The following VMP1 variants were observed in gnomAD, a reference collection of about 807,000 sequenced individuals.
VMP1 encodes the protein ectopic P-granules autophagy protein 3 homolog.
Under a neutral mutation model 56.0 loss-of-function variants are expected in VMP1, and 11 were observed. The ratio of observed to expected loss-of-function variants is 0.20; its 90% CI spans 0.12 to 0.32. The LOEUF (loss-of-function observed/expected upper bound fraction) is 0.32, where lower values mean the gene tolerates loss of function less well. Ranked by LOEUF, VMP1 falls within the 10% of genes least tolerant of loss-of-function variation. VMP1 has a pLI of 1.00. For missense variants in VMP1, 296 were observed against 490.3 expected (o/e 0.60, Z 3.74); for synonymous variants, 149 against 165.0 (o/e 0.90, Z 0.74).
At chr17:59,748,255 G>A (rs2035510531) in intron 5 of VMP1, among the ~76,000 whole-genome samples, 1 of 151,526 alleles carries the variant, frequency 6.6e-6, no homozygotes, top group South Asian at 2.1e-4. Context: ...TTACATGGAG[G>A]ACATAACTCC....
At chr17:59,829,109 C>T (rs1348758697) in intron 10 of VMP1, among the ~76,000 whole-genome samples, 3 of 152,120 alleles carry the variant, frequency 2.0e-5, no homozygotes, top group Non-Finnish European at 4.4e-5. Flanking sequence ...GAGCCAGACT[C>T]CGTCTCCAAA....
intron 7 of VMP1, among the ~76,000 whole-genome samples, chr17:59,780,832 C>T (rs1357642646): frequency 2.0e-5 from 3 of 152,170 alleles, no homozygotes; most frequent in Non-Finnish European, 4.4e-5. Context: ...AGGTGATCCA[C>T]CCGCCTGGGC....
chr17:59,798,961 A>G (rs1293601660), intron 7 of VMP1, among the ~76,000 whole-genome samples: 1 of 152,242 alleles, frequency 6.6e-6, no homozygotes, highest in Admixed American at 6.5e-5. Flanking sequence ...TTTTAATTTA[A>G]TGAAACTGCC....
intron 10 of VMP1, among the ~76,000 whole-genome samples, chr17:59,835,151 C>T (rs1229240452): frequency 2.6e-5 from 4 of 150,996 alleles, no homozygotes; most frequent in East Asian, 2.0e-4. Context: ...TTTTTTGAGA[C>T]GGAGTCTCAC....
chr17:59,834,456 G>GT lies in VMP1; in HGVS notation c.975-3832dup, dbSNP rs538066637. ...CTTTTGTTTTTTGGGGGGGTTTTTT[G>GT]TTTTTTTGGTTTTTTTATTTTGAGA... is the stretch of plus-strand genomic sequence containing the variant. On this transcript the variant is annotated intron_variant, in intron 10 of 11. Coordinates refer to ENST00000262291, the MANE Select transcript of VMP1 (RefSeq NM_030938.5). Among the ~76,000 whole-genome samples, 571 of 151,584 alleles carry GT rather than the reference G, an allele frequency of 3.8e-3. 5 individuals are homozygous for GT. Among genetic ancestry groups the GT allele is most frequent in the African/African-American group, 0.013 (547 of 41,360 alleles).
rs1044393644 is a variant in VMP1, at chr17:59,713,981, C to CA, written c.-27+6234dup. On this transcript the variant is annotated intron_variant, in intron 1 of 11. Coordinates refer to ENST00000262291, the MANE Select transcript of VMP1 (RefSeq NM_030938.5). The stretch of plus-strand genomic sequence containing the variant: ...GCTTGAACCCGGGAGGCAGAGGTTG[C>CA]AGTGAGCCAAGATCGTGCCACTGCA... Among the ~76,000 whole-genome samples the CA allele has an allele frequency of 3.5e-5, 5 of 143,120 alleles. No homozygotes were observed. In the East Asian group the frequency reaches 8.1e-4, roughly 23 times the overall value. The allele number at this position is 143,120 out of a possible 152,430, so 93.9% of individuals were successfully genotyped here. A position where few individuals can be genotyped will look rare whatever the true frequency, so the allele number is the denominator to read the frequency against.
At chr17:59,825,551 A>G (rs1314114373) in intron 10 of VMP1, among the ~76,000 whole-genome samples, 1 of 152,200 alleles carries the variant, frequency 6.6e-6, no homozygotes, top group Non-Finnish European at 1.5e-5. Context: ...CCCAGAAAAT[A>G]ACATTAAGCA....
chr17:59,781,313 G>C (rs892125437), intron 7 of VMP1, among the ~76,000 whole-genome samples: 19 of 152,196 alleles, frequency 1.2e-4, no homozygotes, highest in African/African-American at 4.3e-4. Flanking sequence ...CATTCCAAAA[G>C]TATTATAAAG....
At chr17:59,729,216 G>C (rs1357741713) in intron 1 of VMP1, among the ~76,000 whole-genome samples, 2 of 152,132 alleles carry the variant, frequency 1.3e-5, no homozygotes, top group Non-Finnish European at 2.9e-5. Flanking sequence ...TGGGCGCAGT[G>C]GCTCACGCCT....
In VMP1 at chr17:59,713,797, C is replaced by T. The variant is rs191250373; in HGVS notation, c.-27+6049C>T. ...ATGGTTCACACCTGTAATCCCAACA[C>T]TGAGAGGCCAAGGTGCGCAGATCAC... On this transcript the variant is annotated intron_variant, in intron 1 of 11. Transcript: ENST00000262291. 4.5e-3 allele frequency among the ~76,000 whole-genome samples: 676 copies of T among 149,260 alleles called. 6 individuals are homozygous for T. The highest frequency in any genetic ancestry group is 0.016 in the African/African-American group (643 of 40,392).
intron 3 of VMP1, chr17:59,735,829 G>A (rs2034995956): frequency 5.8e-6 from 1 of 173,524 alleles, no homozygotes; most frequent in South Asian, 1.5e-4. Context: ...GCAGGGCAAG[G>A]TTCAGCATAT....
At chr17:59,807,832 CAAAAA>C (rs543862899) in intron 7 of VMP1, among the ~76,000 whole-genome samples, 17,148 of 85,584 alleles carry the variant, frequency 0.2, 1,181 homozygotes, top group Middle Eastern at 0.33. Flanking sequence ...AACTCCGTCT[CAAAAA>C]AAAAAAAAAA....
At chr17:59,761,849 G>A (rs1024391238) in intron 5 of VMP1, among the ~76,000 whole-genome samples, 1 of 151,976 alleles carries the variant, frequency 6.6e-6, no homozygotes, top group African/African-American at 2.4e-5. Context: ...CTCTTTTCTG[G>A]TATACTGCCT....
intron 7 of VMP1, among the ~76,000 whole-genome samples, chr17:59,785,957 A>C (rs886273512): frequency 1.3e-5 from 2 of 152,152 alleles, no homozygotes; most frequent in Admixed American, 1.3e-4. Context: ...CCCCAAATTA[A>C]GTTTTAATAC....
chr17:59,801,088 A>AT (rs1413180143), intron 7 of VMP1, among the ~76,000 whole-genome samples: 21 of 115,826 alleles, frequency 1.8e-4, no homozygotes, highest in Non-Finnish European at 2.5e-4. Flanking sequence ...TCGAAAAAAA[A>AT]AAAATATATA....
intron 10 of VMP1, among the ~76,000 whole-genome samples, chr17:59,825,004 C>T (rs890284574): frequency 6.7e-6 from 1 of 150,240 alleles, no homozygotes; most frequent in Non-Finnish European, 1.5e-5. Context: ...TCGAACATGG[C>T]GAGACCCAAA....
At chr17:59,831,831 A>C (rs2038817884) in intron 10 of VMP1, among the ~76,000 whole-genome samples, 1 of 151,758 alleles carries the variant, frequency 6.6e-6, no homozygotes, top group African/African-American at 2.4e-5. Flanking sequence ...TAACAATAAC[A>C]AAAGTGTAAA....
chr17:59,719,180 A>C (rs1471967684), intron 1 of VMP1, among the ~76,000 whole-genome samples: 1 of 152,140 alleles, frequency 6.6e-6, no homozygotes, highest in Non-Finnish European at 1.5e-5. Context: ...GCTATTTTGG[A>C]GTAGTCTAAT....
intron 8 of VMP1, among the ~76,000 whole-genome samples, chr17:59,809,304 C>CATT (rs2037961673): frequency 3.0e-5 from 1 of 33,430 alleles, no homozygotes; most frequent in Non-Finnish European, 4.4e-5. Context: ...GCCCATTCAA[C>CATT]TTTTTTTTTT....
Sources: gnomAD v4.1 joint callset for allele counts (sites outside exome capture counted in the v4.1 genomes callset) on GRCh38, gnomAD v4.1.1 for gene constraint, MANE v1.5 for transcripts, NCBI Gene and HGNC (gene_info 2026-07-23, HGNC 2026-07-21) for gene names.